VCL: variants seen among roughly 807,000 people sequenced by gnomAD.
VCL encodes vinculin, also known as epididymis luminal protein 114.
Under a neutral mutation model 125.7 loss-of-function variants are expected in VCL, and 47 were observed. The ratio of observed to expected loss-of-function variants is 0.37; its 90% CI spans 0.30 to 0.48. The LOEUF (loss-of-function observed/expected upper bound fraction) is 0.48. VCL is among the 20% of genes least tolerant of loss of function. VCL has a pLI of 0.99. For missense variants in VCL, 1,069 were observed against 1,455.5 expected (o/e 0.73, Z 4.32); for synonymous variants, 458 against 514.6 (o/e 0.89, Z 1.49).
intron 9 of VCL, 44 bp downstream of exon 9, chr10:74,089,393 A>G: frequency 6.2e-7 from 1 of 1,609,850 alleles, no homozygotes; most frequent in Non-Finnish European, 8.5e-7. Flanking sequence ...TATTTCATAA[A>G]TATCCTAAGT....
At chr10:74,017,249 G>A (rs925335944) in intron 1 of VCL, among the ~76,000 whole-genome samples, 2 of 150,938 alleles carry the variant, frequency 1.3e-5, no homozygotes, top group Non-Finnish European at 2.9e-5. Flanking sequence ...GGGTTTCACC[G>A]TTTTAGCCGG....
downstream of VCL, chr10:74,120,334 G>C (rs946893917): frequency 1.3e-5 from 2 of 152,194 alleles, no homozygotes; most frequent in Non-Finnish European, 2.9e-5. Flanking sequence ...ACTTAACAAG[G>C]ATGTGTGTAA....
intron 1 of VCL, among the ~76,000 whole-genome samples, chr10:74,031,986 C>T (rs987361066): frequency 1.8e-4 from 26 of 144,974 alleles, no homozygotes; most frequent in Admixed American, 1.7e-3. Context: ...ATCACTTGAA[C>T]CTGGGAGGCA....
intron 1 of VCL, among the ~76,000 whole-genome samples, chr10:74,018,125 ACT>A (rs1342996969): frequency 6.9e-6 from 1 of 145,944 alleles, no homozygotes; most frequent in East Asian, 2.0e-4. Flanking sequence ...ACAGAGCGAG[ACT>A]CTGTCTCAAA....
At chr10:74,076,504 A>G (rs535993931) in intron 6 of VCL, 174 of 152,602 alleles carry the variant, frequency 1.1e-3, no homozygotes, top group Non-Finnish European at 9.6e-4. Context: ...GGGAAAGGAG[A>G]CTTCCAGCTG....
At position 74,097,500 on chromosome 10, in the gene VCL, A is replaced by T. The variant is rs747741621; in HGVS notation, c.1872+168A>T. On this transcript the variant is annotated intron_variant, in intron 13 of 21. Transcript: ENST00000211998. The surrounding 1 kb of genome is among the most constrained non-coding windows in gnomAD (Gnocchi z 4.1). ...CCACCTCTACTTTTAGTCTCCACGT[A>T]TATCAGTGAGGAATATCTTTAGTTG... Among the ~76,000 whole-genome samples the T allele has an allele frequency of 6.6e-6, 1 of 152,222 alleles. No individual in the cohort carries two copies. Among genetic ancestry groups the T allele is most frequent in the Non-Finnish European group, 1.5e-5 (1 of 68,046 alleles).
chr10:74,075,532 C>CT (rs1254081643), intron 6 of VCL: 1 of 153,472 alleles, frequency 6.5e-6, no homozygotes, highest in African/African-American at 2.4e-5. Flanking sequence ...TTTTGTGTTG[C>CT]TGCTGCTCTG....
chr10:74,100,220 T>A (rs1344141477), intron 13 of VCL, among the ~76,000 whole-genome samples: 1 of 152,182 alleles, frequency 6.6e-6, no homozygotes, highest in Non-Finnish European at 1.5e-5. Flanking sequence ...TGACCAAAGA[T>A]CTCTTGCTAC....
chr10:74,042,335 T>G (rs1841109266), intron 1 of VCL, among the ~76,000 whole-genome samples: 1 of 152,248 alleles, frequency 6.6e-6, no homozygotes, highest in Non-Finnish European at 1.5e-5. Context: ...AATACTTTTG[T>G]GAATATTGTT....
chr10:73,998,993 T>G (rs904605478), intron 1 of VCL, among the ~76,000 whole-genome samples: 2 of 151,408 alleles, frequency 1.3e-5, no homozygotes, highest in Non-Finnish European at 2.9e-5. Context: ...CGCCTCCTCC[T>G]CCCTCCTGGG....
intron 2 of VCL, among the ~76,000 whole-genome samples, chr10:74,067,391 A>T (rs77203162): frequency 6.7e-6 from 1 of 148,322 alleles, no homozygotes; most frequent in East Asian, 1.9e-4. Flanking sequence ...AAAAAAAAAA[A>T]GATAAGCATT....
intron 1 of VCL, among the ~76,000 whole-genome samples, chr10:74,004,143 T>C (rs1840276940): frequency 6.6e-6 from 1 of 152,226 alleles, no homozygotes; most frequent in Non-Finnish European, 1.5e-5. Context: ...GTTAAGTAAA[T>C]AACAGTGTTT....
intron 1 of VCL, among the ~76,000 whole-genome samples, chr10:74,015,508 T>A (rs1019102626): frequency 8.6e-5 from 13 of 152,032 alleles, no homozygotes; most frequent in African/African-American, 3.1e-4. Context: ...GCCACTGCAC[T>A]CCAGCCTGGG....
chr10:74,101,051 A>G lies in VCL; in HGVS notation c.1976A>G (p.Glu659Gly). The G allele has an allele frequency of 6.2e-7, 1 of 1,613,880 alleles. No individual in the cohort carries two copies. The highest frequency in any genetic ancestry group is 1.1e-5 in the South Asian group (1 of 91,040). Residue 659 changes from glutamate to glycine, a missense_variant, in exon 14 of 22, where the codon GAA becomes GGA. Physicochemically the swap from Glu to Gly is moderately conservative, Grantham distance 98 (BLOSUM62 -2). Around this residue, in one of 6 missense-constraint regions of VCL, gnomAD observed 760 missense variants for 928.9 expected, o/e 0.82. Transcript: ENST00000211998. ...AVGTANKSTV[E>G]GIQASVKTAR... The stretch of plus-strand genomic sequence containing the variant: ...GGTACTGCTAATAAATCAACAGTGG[A>G]AGGCATTCAGGCCTCAGTGAAGACG...
intron 2 of VCL, among the ~76,000 whole-genome samples, chr10:74,049,097 A>C (rs1441510642): frequency 6.6e-6 from 1 of 151,124 alleles, no homozygotes; most frequent in African/African-American, 2.4e-5. Context: ...ACAGAGCGAG[A>C]CTCCATCTCA....
At chr10:74,039,741 C>A (rs1383178528) in intron 1 of VCL, among the ~76,000 whole-genome samples, 1 of 151,990 alleles carries the variant, frequency 6.6e-6, no homozygotes, top group African/African-American at 2.4e-5. Context: ...GCACTCAAGT[C>A]TGGGATATGG....
rs775990121 is a variant in VCL, at chr10:74,070,772, C to G, written c.342C>G (p.Gly114=). The change falls in exon 3 of 22, where the codon GGC becomes GGG. Residue 114 remains glycine (G), a synonymous_variant. Coordinates refer to ENST00000211998, the MANE Select transcript of VCL (RefSeq NM_014000.3). Reference sequence around the variant, plus strand: ...ATTATCTAATTGATGGGTCAAGGGGCATCCTCTCTGGAACATCAGACCTGC... The same window carrying G: ...ATTATCTAATTGATGGGTCAAGGGGGATCCTCTCTGGAACATCAGACCTGC... ...ARDYLIDGSR[G]ILSGTSDLLL... 6.8e-6 allele frequency: 11 copies of G among 1,614,140 alleles called. No individual in the cohort carries two copies. The highest frequency in any genetic ancestry group is 7.6e-6 in the Non-Finnish European group (9 of 1,180,016).
At chr10:74,012,568 T>C (rs138130530) in intron 1 of VCL, among the ~76,000 whole-genome samples, 15 of 152,228 alleles carry the variant, frequency 9.9e-5, no homozygotes, top group African/African-American at 3.6e-4. Flanking sequence ...TTCTTTGGAG[T>C]CATGGAGAAG....
intron 6 of VCL, among the ~76,000 whole-genome samples, chr10:74,080,427 G>C (rs936802899): frequency 6.6e-6 from 1 of 152,118 alleles, no homozygotes; most frequent in Non-Finnish European, 1.5e-5. Flanking sequence ...TTATTTAAAT[G>C]ACATTTAAAT....
Sources: gnomAD v4.1 joint callset for allele counts (sites outside exome capture counted in the v4.1 genomes callset) on GRCh38, gnomAD v4.1.1 for gene constraint, gnomAD v4.1.1 regional missense constraint, Gnocchi (gnomAD v3.1) non-coding constraint, MANE v1.5 for transcripts, NCBI Gene and HGNC (gene_info 2026-07-23, HGNC 2026-07-21) for gene names.